TOM1L1: variants seen among roughly 807,000 people sequenced by gnomAD.
TOM1L1 encodes the protein target of myb1 like 1 membrane trafficking protein.
TOM1L1 carries 64 observed loss-of-function variants against 63.4 expected under a neutral mutation model. That is an observed-to-expected ratio of 1.01 (90% CI 0.83 to 1.24). TOM1L1 has a LOEUF of 1.24. Among genes scored for constraint, TOM1L1 ranks in the 50% most tolerant of loss-of-function variants. The probability of loss-of-function intolerance (pLI) is 0.00; values close to 1 mark genes in which losing one functional copy is unlikely to be tolerated. For synonymous variants in TOM1L1, 166 were observed against 194.4 expected (o/e 0.85, Z 1.22); for missense variants, 536 against 567.0 (o/e 0.95, Z 0.55).
intron 14 of TOM1L1, among the ~76,000 whole-genome samples, chr17:54,956,136 G>A (rs138705871): frequency 1.1e-4 from 16 of 152,266 alleles, no homozygotes; most frequent in African/African-American, 3.4e-4. Flanking sequence ...AACTCTCCAT[G>A]AGAACACAGG....
chr17:54,906,646 G>C, intron 3 of TOM1L1: 1 of 488,786 alleles, frequency 2.0e-6, no homozygotes, highest in Non-Finnish European at 2.7e-6. Flanking sequence ...TCTGCTGCCT[G>C]GCGTGATTTG....
intron 3 of TOM1L1, among the ~76,000 whole-genome samples, chr17:54,912,233 G>A (rs137917076): frequency 1.1e-3 from 165 of 152,252 alleles, no homozygotes; most frequent in African/African-American, 3.9e-3. Flanking sequence ...TATAGCTGGG[G>A]TGACTGTGTA....
At chr17:54,918,343 C>T (rs768262062) in intron 7 of TOM1L1, among the ~76,000 whole-genome samples, 9 of 152,186 alleles carry the variant, frequency 5.9e-5, no homozygotes, top group Non-Finnish European at 1.2e-4. Context: ...AACCTATACC[C>T]AGAGACCCCT....
chr17:54,916,411 A>G (rs2048589840), intron 7 of TOM1L1: 1 of 152,886 alleles, frequency 6.5e-6, no homozygotes, highest in Non-Finnish European at 1.5e-5. Flanking sequence ...TAGAGGAACA[A>G]GTAGACAGGG....
intron 7 of TOM1L1, among the ~76,000 whole-genome samples, chr17:54,926,223 G>T (rs2048767036): frequency 1.3e-5 from 2 of 152,170 alleles, no homozygotes; most frequent in South Asian, 4.1e-4. Context: ...CTTTTCATTA[G>T]GGATGAGGAC....
chr17:54,914,605 C>G, intron 5 of TOM1L1, 34 bp from the exon 6 acceptor site: 1 of 1,554,750 alleles, frequency 6.4e-7, no homozygotes, highest in Non-Finnish European at 8.9e-7. Context: ...TATGTTAATT[C>G]ACATAATAAT....
chr17:54,919,607 A>G (rs1165351613), intron 7 of TOM1L1, among the ~76,000 whole-genome samples: 1 of 152,198 alleles, frequency 6.6e-6, no homozygotes, highest in Non-Finnish European at 1.5e-5. Context: ...CTTGAATAGT[A>G]AAGAGTCTTA....
At position 54,912,672 on chromosome 17, in the gene TOM1L1, G is replaced by T; in HGVS notation, c.229G>T (p.Asp77Tyr). 1 of 1,545,518 alleles carries T rather than the reference G, an allele frequency of 6.5e-7. No homozygotes were observed. Among genetic ancestry groups the T allele is most frequent in the South Asian group, 1.3e-5 (1 of 78,534 alleles). ...KEIQLTLSLI[D>Y]MCVQNCGPSF... ...AATTTTTTTTCTAATTTAGCTTATT[G>T]ACATGTGTGTGCAGAACTGTGGTCC... Residue 77 changes from aspartate to tyrosine, a missense_variant, in exon 4 of 16, where the codon GAC becomes TAC. Transcript: ENST00000575882.
intron 14 of TOM1L1, among the ~76,000 whole-genome samples, chr17:54,959,037 T>C (rs2077037800): frequency 6.6e-6 from 1 of 152,174 alleles, no homozygotes. Context: ...AGTTTCCATA[T>C]CAAGACATTT....
At position 54,905,715 on chromosome 17, in the gene TOM1L1, A is replaced by C. The variant is rs1004113627; in HGVS notation, c.222+148A>C. The C allele has an allele frequency of 5.5e-6, 3 of 547,018 alleles. No homozygotes were observed. The South Asian group carries it at 8.4e-5, about 15-fold the overall frequency. The allele number at this position is 547,018 out of a possible 1,614,324, so 33.9% of individuals were successfully genotyped here. ...TGTACAGTATGACTTAAAACTCTTC[A>C]TTTATGAGAATTGCAGAATAAAGAA... On this transcript the variant is annotated intron_variant, in intron 3 of 15. Transcript: ENST00000575882.
At chr17:54,915,357 A>G (rs1405980707) in intron 6 of TOM1L1, among the ~76,000 whole-genome samples, 1 of 152,030 alleles carries the variant, frequency 6.6e-6, no homozygotes, top group Non-Finnish European at 1.5e-5. Flanking sequence ...GATAACCCTC[A>G]TTTGTTTTTC....
intron 3 of TOM1L1, among the ~76,000 whole-genome samples, chr17:54,908,879 G>A (rs1284992364): frequency 6.6e-6 from 1 of 152,086 alleles, no homozygotes; most frequent in Non-Finnish European, 1.5e-5. Flanking sequence ...TGAGCTTCAG[G>A]GGTTTCATAA....
intron 11 of TOM1L1, among the ~76,000 whole-genome samples, chr17:54,944,688 T>C (rs12165058): frequency 0.51 from 77,901 of 152,044 alleles, 20,486 homozygotes; most frequent in Non-Finnish European, 0.56. Context: ...ATGGGGCTCA[T>C]GCTTCTATTC....
intron 1 of TOM1L1, 60 bp downstream of exon 1, chr17:54,900,983 T>C (rs2048316293): frequency 6.2e-7 from 1 of 1,607,040 alleles, no homozygotes; most frequent in African/African-American, 1.3e-5. Flanking sequence ...CCTTTCCTGC[T>C]TGATCCATTC....
chr17:54,906,815 G>A (rs1026569555), intron 3 of TOM1L1: 7 of 985,350 alleles, frequency 7.1e-6, no homozygotes, highest in Non-Finnish European at 7.2e-6. Context: ...TTTAGTATGT[G>A]TTGCAAGCCC....
chr17:54,913,984 T>C, intron 5 of TOM1L1, 111 bp downstream of exon 5: 1 of 1,257,582 alleles, frequency 8.0e-7, no homozygotes, highest in East Asian at 2.9e-5. Flanking sequence ...AAGATGAAGT[T>C]ATTAGAAGGA....
intron 2 of TOM1L1, 72 bp downstream of exon 2, chr17:54,903,864 C>G: frequency 7.2e-7 from 1 of 1,384,568 alleles, no homozygotes; most frequent in Non-Finnish European, 1.0e-6. Context: ...TTTTCTCTTG[C>G]AAATATTTCG....
chr17:54,904,493 G>A (rs1225702940), intron 2 of TOM1L1, among the ~76,000 whole-genome samples: 5 of 152,048 alleles, frequency 3.3e-5, no homozygotes, highest in South Asian at 2.1e-4. Flanking sequence ...GTTGACTCCC[G>A]GTGGTGACCT....
intron 3 of TOM1L1, among the ~76,000 whole-genome samples, chr17:54,910,577 C>T (rs376260629): frequency 1.1e-4 from 16 of 152,332 alleles, no homozygotes; most frequent in Middle Eastern, 6.8e-3. Flanking sequence ...TGAAATATTT[C>T]TGTAAACTCA....
Sources: allele counts gnomAD v4.1 joint callset (sites outside exome capture counted in the v4.1 genomes callset), GRCh38; gene constraint gnomAD v4.1.1; transcripts MANE v1.5; gene names NCBI Gene and HGNC (gene_info 2026-07-23, HGNC 2026-07-21).